Variants in BCHE observed in about 807,000 individuals in gnomAD.
BCHE encodes the protein cholinesterase.
Under a neutral mutation model 51.3 loss-of-function variants are expected in BCHE, and 48 were observed. The ratio of observed to expected loss-of-function variants is 0.94; its 90% CI spans 0.74 to 1.19. The LOEUF (loss-of-function observed/expected upper bound fraction) is 1.19. BCHE is among the 50% of genes most tolerant of loss of function. The probability of loss-of-function intolerance (pLI) is 0.00; values close to 1 mark genes in which losing one functional copy is unlikely to be tolerated. For missense variants in BCHE, 847 were observed against 708.2 expected (o/e 1.20, Z -2.23); for synonymous variants, 251 against 238.0 (o/e 1.05, Z -0.50).
chr3:165,829,845 T>C lies in BCHE; in HGVS notation c.1189A>G (p.Ile397Val). Reference sequence around the variant, plus strand: ...ACCCAGTCTGTGTAATGAAAAAGGATGGATTCCTTTCCAAACTCACTCACT... The same window carrying C: ...ACCCAGTCTGTGTAATGAAAAAGGACGGATTCCTTTCCAAACTCACTCACT... ...PGVSEFGKESILFHYTDWVDD... is the reference protein window; with the variant it reads ...PGVSEFGKESVLFHYTDWVDD... Residue 397 changes from isoleucine (I) to valine (V), a missense_variant, in exon 2 of 4, where the codon ATC (isoleucine) becomes GTC (valine). Transcript: ENST00000264381. The C allele has an allele frequency of 6.2e-7, 1 of 1,612,974 alleles. No individual in the cohort carries two copies. The highest frequency in any genetic ancestry group is 8.5e-7 in the Non-Finnish European group (1 of 1,179,486).
At chr3:165,786,658 T>C (rs1576839411) in intron 2 of BCHE, among the ~76,000 whole-genome samples, 1 of 151,792 alleles carries the variant, frequency 6.6e-6, no homozygotes, top group East Asian at 1.9e-4. Flanking sequence ...TATCTTCCCT[T>C]ATCCTAGGCC....
intron 1 of BCHE, among the ~76,000 whole-genome samples, chr3:165,834,145 T>C (rs1715100669): frequency 6.6e-6 from 1 of 152,094 alleles, no homozygotes; most frequent in African/African-American, 2.4e-5. Context: ...AATTATGAAA[T>C]GTGATGTTTC....
chr3:165,773,534 A>G (rs1317219248), intron 3 of BCHE, 28 bp from the exon 4 acceptor site: 9 of 1,584,492 alleles, frequency 5.7e-6, no homozygotes, highest in Non-Finnish European at 7.8e-6. Flanking sequence ...AGTTGTATTA[A>G]TCAAAATTTT....
chr3:165,834,143 A>T (rs547591227), intron 1 of BCHE, among the ~76,000 whole-genome samples: 3 of 152,184 alleles, frequency 2.0e-5, no homozygotes, highest in African/African-American at 7.2e-5. Flanking sequence ...GTAATTATGA[A>T]ATGTGATGTT....
At chr3:165,783,461 A>G (rs1353466622) in intron 3 of BCHE, among the ~76,000 whole-genome samples, 1 of 152,114 alleles carries the variant, frequency 6.6e-6, no homozygotes, top group African/African-American at 2.4e-5. Context: ...ACTAGTTTCA[A>G]CATTTTCTCC....
chr3:165,820,913 G>A (rs1348015268), intron 2 of BCHE, among the ~76,000 whole-genome samples: 1 of 151,966 alleles, frequency 6.6e-6, no homozygotes, highest in African/African-American at 2.4e-5. Flanking sequence ...TCATGGTGAA[G>A]GCAGCCTGGC....
At chr3:165,816,043 T>C (rs1446288425) in intron 2 of BCHE, among the ~76,000 whole-genome samples, 1 of 152,032 alleles carries the variant, frequency 6.6e-6, no homozygotes, top group African/African-American at 2.4e-5. Flanking sequence ...TGAGTAATTC[T>C]CTTAAAATTT....
chr3:165,809,970 G>T (rs1714031218), intron 2 of BCHE, among the ~76,000 whole-genome samples: 2 of 152,022 alleles, frequency 1.3e-5, no homozygotes, highest in African/African-American at 4.8e-5. Context: ...TTTTACAGGG[G>T]TCAGTAGAAT....
At chr3:165,826,570 C>A (rs1341474820) in intron 2 of BCHE, among the ~76,000 whole-genome samples, 1 of 151,948 alleles carries the variant, frequency 6.6e-6, no homozygotes, top group East Asian at 1.9e-4. Context: ...TGGAGTTGTA[C>A]ATATTGGTAA....
intron 2 of BCHE, among the ~76,000 whole-genome samples, chr3:165,822,532 C>T (rs1714570183): frequency 6.6e-6 from 1 of 151,902 alleles, no homozygotes; most frequent in Admixed American, 6.6e-5. Context: ...AAGTAGCTTA[C>T]CTAAGTTTAC....
At chr3:165,773,586 C>G in intron 3 of BCHE, 80 bp from the exon 4 acceptor site, 1 of 1,283,318 alleles carries the variant, frequency 7.8e-7, no homozygotes, top group Non-Finnish European at 1.1e-6. Context: ...AATACAAAAG[C>G]CATTTTCTCT....
intron 2 of BCHE, among the ~76,000 whole-genome samples, chr3:165,818,100 C>T (rs1225626437): frequency 6.6e-6 from 1 of 152,028 alleles, no homozygotes; most frequent in Non-Finnish European, 1.5e-5. Flanking sequence ...GAATCAGAAG[C>T]ATCTTGTTTT....
At chr3:165,794,547 C>T (rs1365417671) in intron 2 of BCHE, among the ~76,000 whole-genome samples, 1 of 152,120 alleles carries the variant, frequency 6.6e-6, no homozygotes, top group Non-Finnish European at 1.5e-5. Context: ...TTGCTGTGTC[C>T]TCACATAGTA....
intron 2 of BCHE, among the ~76,000 whole-genome samples, chr3:165,790,120 C>G (rs899371432): frequency 6.6e-6 from 1 of 151,960 alleles, no homozygotes; most frequent in African/African-American, 2.4e-5. Context: ...TGTCCTTTGT[C>G]TCTCCCTGCC....
chr3:165,816,183 T>A (rs1390288594), intron 2 of BCHE, among the ~76,000 whole-genome samples: 1 of 151,862 alleles, frequency 6.6e-6, no homozygotes, highest in Non-Finnish European at 1.5e-5. Context: ...TTGCTACCTG[T>A]CTCTTGATTC....
At chr3:165,815,297 C>T (rs1238707162) in intron 2 of BCHE, among the ~76,000 whole-genome samples, 2 of 150,538 alleles carry the variant, frequency 1.3e-5, no homozygotes, top group Non-Finnish European at 3.0e-5. Context: ...TGCTCTTTTC[C>T]TTCCCTAGTG....
In BCHE at chr3:165,830,571, C is replaced by T. The variant is rs780821820; in HGVS notation, c.463G>A (p.Val155Ile). The T allele has an allele frequency of 2.5e-6, 4 of 1,613,860 alleles. No homozygotes were observed. The highest frequency in any genetic ancestry group is 1.7e-5 in the Admixed American group (1 of 59,936). Residue 155 changes from valine (V) to isoleucine (I), a missense_variant, in exon 2 of 4, where the codon GTT (valine) becomes ATT (isoleucine). Physicochemically the swap from Val to Ile is conservative, Grantham distance 29. Transcript: ENST00000264381. ...GFQTGTSSLH[V>I]YDGKFLARVE... ...CGAGCCAGAAACTTGCCATCATAAA[C>T]ATGTAAAGATGATGTTCCAGTTTGA...
At chr3:165,807,976 T>G (rs1393582380) in intron 2 of BCHE, among the ~76,000 whole-genome samples, 1 of 152,042 alleles carries the variant, frequency 6.6e-6, no homozygotes, top group Admixed American at 6.6e-5. Flanking sequence ...GTTGCTTGTT[T>G]TTTTTTGTAG....
intron 2 of BCHE, among the ~76,000 whole-genome samples, chr3:165,791,806 A>G (rs1713178596): frequency 6.6e-6 from 1 of 151,290 alleles, no homozygotes; most frequent in South Asian, 2.1e-4. Context: ...TACAAAAATT[A>G]CCCGATATGA....
Sources: gnomAD v4.1 joint callset for allele counts (sites outside exome capture counted in the v4.1 genomes callset) on GRCh38, gnomAD v4.1.1 for gene constraint, MANE v1.5 for transcripts, NCBI Gene and HGNC (gene_info 2026-07-23, HGNC 2026-07-21) for gene names.